Variants in HLTF observed in about 807,000 individuals in gnomAD.
The protein encoded by HLTF is DNA-dependent ATPase/E3 ubiquitin-protein ligase HLTF.
A neutral mutation model predicts 129.4 loss-of-function variants in HLTF; 127 were observed. That is an observed-to-expected ratio of 0.98 (90% CI 0.85 to 1.14). The LOEUF is 1.14. HLTF is among the 50% of genes most tolerant of loss of function. The probability of loss-of-function intolerance (pLI) is 0.00; values close to 1 mark genes in which losing one functional copy is unlikely to be tolerated. For synonymous variants in HLTF, 332 were observed against 388.8 expected, an observed-to-expected ratio of 0.85 and a Z score of 1.72; for missense variants, 1,139 against 1,187.1, an observed-to-expected ratio of 0.96 and a Z score of 0.60.
At chr3:149,084,595 A>G in intron 2 of HLTF, 87 bp downstream of exon 2, 1 of 928,068 alleles carries the variant, frequency 1.1e-6, no homozygotes, top group Non-Finnish European at 1.7e-6. Context: ...ATAAAGATTA[A>G]CCGCACACAT....
chr3:149,084,631 G>A (rs1559887606), intron 2 of HLTF, 51 bp downstream of exon 2: 1 of 1,305,346 alleles, frequency 7.7e-7, no homozygotes. Context: ...TTATTTTCTA[G>A]GTTAACGCCA....
chr3:149,032,908 AGCCGACATTGC>A (rs1226069221), intron 24 of HLTF, among the ~76,000 whole-genome samples: 1 of 150,014 alleles, frequency 6.7e-6, no homozygotes, highest in Non-Finnish European at 1.5e-5. Flanking sequence ...GCTTGCAGTA[AGCCGACATTGC>A]GCCACTGCAC....
intron 13 of HLTF, among the ~76,000 whole-genome samples, chr3:149,059,235 C>G (rs1717717147): frequency 6.6e-6 from 1 of 152,148 alleles, no homozygotes; most frequent in African/African-American, 2.4e-5. Context: ...TAATTTGTCT[C>G]AGATCTTCTC....
At chr3:149,054,654 T>C (rs1297884013) in intron 14 of HLTF, among the ~76,000 whole-genome samples, 1 of 152,086 alleles carries the variant, frequency 6.6e-6, no homozygotes, top group Non-Finnish European at 1.5e-5. Flanking sequence ...AGAGGTTCCA[T>C]TCCAATGTCA....
At chr3:149,079,055 G>C (rs1168665758) in intron 2 of HLTF, among the ~76,000 whole-genome samples, 2 of 152,210 alleles carry the variant, frequency 1.3e-5, no homozygotes, top group Non-Finnish European at 1.5e-5. Context: ...CGAAGCTGAA[G>C]ATAGGTCAAT....
In HLTF at chr3:149,038,207, A is replaced by C. The variant is rs1278047483; in HGVS notation, c.2796+842T>G. 2.0e-5 allele frequency among the ~76,000 whole-genome samples: 3 copies of C among 152,334 alleles called. No homozygotes were observed. In the East Asian group the frequency reaches 5.8e-4, roughly 29 times the overall value. ...CTTATGCACATTAAAGCTTAAGACT[A>C]CTAGAACCGTGATGGTAATCATTTT... is the stretch of plus-strand genomic sequence containing the variant. On this transcript the variant is annotated intron_variant, in intron 23 of 24. Coordinates refer to ENST00000310053, the MANE Select transcript of HLTF (RefSeq NM_003071.4).
intron 2 of HLTF, among the ~76,000 whole-genome samples, chr3:149,076,905 A>G (rs1437141095): frequency 1.3e-5 from 2 of 152,180 alleles, no homozygotes; most frequent in East Asian, 3.9e-4. Context: ...AATAAAAAGA[A>G]TAAACAGCTG....
intron 21 of HLTF, among the ~76,000 whole-genome samples, 163 bp from the exon 22 acceptor site, chr3:149,039,856 T>C (rs538786290): frequency 6.6e-6 from 1 of 152,148 alleles, no homozygotes; most frequent in Non-Finnish European, 1.5e-5. Flanking sequence ...ACTCTAATAA[T>C]CTGAACCCAT....
In HLTF at chr3:149,071,386, G is replaced by C. The variant is rs547894937; in HGVS notation, c.760C>G (p.Arg254Gly). 1 of 1,613,672 alleles carries C rather than the reference G, an allele frequency of 6.2e-7. No individual in the cohort carries two copies. The highest frequency in any genetic ancestry group is 2.2e-5 in the East Asian group (1 of 44,848). ...GGTGGAAGTTCTTTGCTATTTTCCC[G>C]TGACACCATCCAAGCTAGAGCTTGT... ...QKQALAWMVS[R>G]ENSKELPPFW... Residue 254 changes from arginine to glycine, a missense_variant, in exon 7 of 25, where the codon CGG (arginine) becomes GGG (glycine). Physicochemically the swap from Arg to Gly is moderately radical, Grantham distance 125 (BLOSUM62 -2). Transcript: ENST00000310053.
Position 149,063,435 on chromosome 3 carries a change from TG to T in HLTF, c.1155del (p.Arg387GlufsTer9). The part of the protein sequence containing the change: ...FRMSELSSSR[P>X]KRRKTAVQYI... Reference sequence around the variant, plus strand: ...AATCAAACCATAATAGTTTACCTTTTGGGGCGGGAGCTAGACAATTCTGACA... The same window carrying T: ...AATCAAACCATAATAGTTTACCTTTTGGGCGGGAGCTAGACAATTCTGACA... On this transcript the variant is annotated frameshift_variant, in exon 10 of 25. Coordinates refer to ENST00000310053, the MANE Select transcript of HLTF (RefSeq NM_003071.4). LOFTEE classifies it high-confidence loss of function. The T allele has an allele frequency of 6.4e-7, 1 of 1,570,598 alleles. No individual in the cohort carries two copies. Among genetic ancestry groups the T allele is most frequent in the Non-Finnish European group, 8.8e-7 (1 of 1,140,550 alleles).
In HLTF at chr3:149,039,709, A is replaced by G; in HGVS notation, c.2503-16T>C. On this transcript the variant is annotated splice_polypyrimidine_tract_variant and intron_variant, in intron 21 of 24. Transcript: ENST00000310053. ...GCGCATTAATCTGCAAAAAATATTA[A>G]GATGTCCATTAGATTCCATTTTAAA... The G allele has an allele frequency of 7.7e-7, 1 of 1,291,490 alleles. No homozygotes were observed. Among genetic ancestry groups the G allele is most frequent in the Non-Finnish European group, 1.1e-6 (1 of 913,736 alleles). 80.0% of individuals were successfully genotyped at this position (1,291,490 alleles called of 1,614,324 possible).
At chr3:149,073,446 C>T in intron 4 of HLTF, 124 bp from the exon 5 acceptor site, 1 of 664,780 alleles carries the variant, frequency 1.5e-6, no homozygotes, top group Non-Finnish European at 2.5e-6. Context: ...GTAACCCAAG[C>T]ACTTTGGGAG....
intron 10 of HLTF, among the ~76,000 whole-genome samples, chr3:149,062,722 C>T (rs565203560): frequency 5.6e-4 from 86 of 152,228 alleles, no homozygotes; most frequent in African/African-American, 2.0e-3. Context: ...AGAACTGAAA[C>T]GATCAAGAAT....
At chr3:149,083,119 C>T (rs1209612289) in intron 2 of HLTF, among the ~76,000 whole-genome samples, 3 of 152,122 alleles carry the variant, frequency 2.0e-5, no homozygotes, top group East Asian at 1.9e-4. Context: ...GGCATGATGG[C>T]GCATGCCTGT....
intron 24 of HLTF, 67 bp from the exon 25 acceptor site, chr3:149,032,439 A>G (rs1715162503): frequency 1.9e-6 from 2 of 1,033,180 alleles, no homozygotes; most frequent in East Asian, 2.8e-5. Context: ...TATTAAAAAA[A>G]CTAAATGAAA....
intron 5 of HLTF, 68 bp downstream of exon 5, chr3:149,073,156 GT>G: frequency 1.0e-6 from 1 of 999,266 alleles, no homozygotes; most frequent in South Asian, 1.6e-5. Context: ...TATTCATCCT[GT>G]TCTTTTAAAT....
intron 10 of HLTF, chr3:149,063,155 G>C: frequency 2.1e-6 from 1 of 465,560 alleles, no homozygotes; most frequent in Non-Finnish European, 4.2e-6. Context: ...TGCCTCCCGG[G>C]TTCACGCCAT....
intron 23 of HLTF, among the ~76,000 whole-genome samples, chr3:149,035,765 A>G (rs911914977): frequency 3.3e-5 from 5 of 151,688 alleles, no homozygotes; most frequent in African/African-American, 1.2e-4. Flanking sequence ...CGTTAGTTTG[A>G]CTTTAAAGCT....
chr3:149,079,897 C>T (rs961865701), intron 2 of HLTF, among the ~76,000 whole-genome samples: 2 of 152,098 alleles, frequency 1.3e-5, no homozygotes, highest in African/African-American at 4.8e-5. Context: ...CATGCCCAGC[C>T]ACAAAGTTTT....
Sources: gnomAD v4.1 joint callset for allele counts (sites outside exome capture counted in the v4.1 genomes callset) on GRCh38, gnomAD v4.1.1 for gene constraint, MANE v1.5 for transcripts, NCBI Gene and HGNC (gene_info 2026-07-23, HGNC 2026-07-21) for gene names.